Variants in CDC27 observed in about 807,000 individuals in gnomAD.
The protein encoded by CDC27 is cell division cycle protein 27 homolog.
A neutral mutation model predicts 109.7 loss-of-function variants in CDC27; 27 were observed. The ratio of observed to expected loss-of-function variants is 0.25; its 90% CI spans 0.18 to 0.34. The LOEUF is 0.34. Ranked by LOEUF, CDC27 falls within the 10% of genes least tolerant of loss-of-function variation. The pLI, the probability that CDC27 is intolerant of heterozygous loss-of-function variation, is 1.00. For missense variants in CDC27, 579 were observed against 960.2 expected, an observed-to-expected ratio of 0.60 and a Z score of 5.25; for synonymous variants, 266 against 333.9, an observed-to-expected ratio of 0.80 and a Z score of 2.22.
At chr17:47,129,574 G>A in intron 15 of CDC27, 53 bp from the exon 16 acceptor site, 1 of 1,352,782 alleles carries the variant, frequency 7.4e-7, no homozygotes, top group Non-Finnish European at 1.0e-6. Flanking sequence ...TATGAAGAAA[G>A]GTGAGAACCA....
intron 14 of CDC27, 149 bp downstream of exon 14, chr17:47,137,003 A>G (rs879212558): frequency 4.8e-6 from 2 of 417,172 alleles, no homozygotes; most frequent in African/African-American, 4.1e-5. Flanking sequence ...TCATAAGAAA[A>G]CATTTTAGTT....
At chr17:47,165,388 T>A (rs896492941) in intron 4 of CDC27, among the ~76,000 whole-genome samples, 1 of 152,244 alleles carries the variant, frequency 6.6e-6, no homozygotes, top group African/African-American at 2.4e-5. Flanking sequence ...AGCCATTGTA[T>A]CTAATGGTGG....
intron 8 of CDC27, among the ~76,000 whole-genome samples, chr17:47,154,329 T>C (rs1212619884): frequency 6.6e-6 from 1 of 152,142 alleles, no homozygotes; most frequent in Non-Finnish European, 1.5e-5. Context: ...ATTTCTGTTA[T>C]TTATAGTCAA....
At position 47,122,174 on chromosome 17, in the gene CDC27, A is replaced by G. The variant is rs556967567; in HGVS notation, c.2392+270T>C. ...ATTTTTATGAAGCAGATAAAACAGT[A>G]CTGGTTACATATTCAAACATAAATT... On this transcript the variant is annotated intron_variant, in intron 18 of 18. Coordinates refer to ENST00000066544, the MANE Select transcript of CDC27 (RefSeq NM_001256.6). Among the ~76,000 whole-genome samples, 4 of 152,100 alleles carry G rather than the reference A, an allele frequency of 2.6e-5. No homozygotes were observed. The South Asian group carries it at 6.2e-4, about 24-fold the overall frequency.
At chr17:47,171,298 A>G (rs1333306795) in intron 3 of CDC27, among the ~76,000 whole-genome samples, 2 of 152,252 alleles carry the variant, frequency 1.3e-5, no homozygotes, top group East Asian at 3.8e-4. Context: ...CTATGGTGAG[A>G]CTTACTTGTA....
chr17:47,130,505 G>C (rs1233310238), intron 15 of CDC27, among the ~76,000 whole-genome samples: 1 of 152,074 alleles, frequency 6.6e-6, no homozygotes, highest in Non-Finnish European at 1.5e-5. Flanking sequence ...GATTTAAAAA[G>C]TACCAAACCT....
At chr17:47,138,016 T>C (rs1203906923) in intron 13 of CDC27, among the ~76,000 whole-genome samples, 2 of 151,982 alleles carry the variant, frequency 1.3e-5, no homozygotes, top group East Asian at 1.9e-4. Context: ...CCGAGGCTGG[T>C]CTTGGAACTC....
At chr17:47,155,656 T>C (rs1467157594) in intron 7 of CDC27, among the ~76,000 whole-genome samples, 2 of 152,176 alleles carry the variant, frequency 1.3e-5, no homozygotes, top group African/African-American at 4.8e-5. Context: ...AAATATTTTA[T>C]ATTAATAGGT....
At chr17:47,181,339 A>AT (rs1192330473) in intron 2 of CDC27, 9 of 208,560 alleles carry the variant, frequency 4.3e-5, no homozygotes, top group Non-Finnish European at 6.6e-5. Context: ...TTGAAAAATG[A>AT]TTAAGTAAAT....
intron 1 of CDC27, among the ~76,000 whole-genome samples, chr17:47,184,964 A>T (rs2064376208): frequency 1.3e-5 from 2 of 152,170 alleles, no homozygotes; most frequent in Admixed American, 6.5e-5. Context: ...GCCAAAAAGA[A>T]CAACGCTCCT....
intron 4 of CDC27, chr17:47,159,968 C>G (rs572260147): frequency 3.4e-5 from 10 of 294,928 alleles, no homozygotes; most frequent in Non-Finnish European, 6.4e-5. Flanking sequence ...GCTGCGACCC[C>G]AGCCCTGGAT....
intron 8 of CDC27, among the ~76,000 whole-genome samples, chr17:47,154,459 C>T (rs2063238850): frequency 6.6e-6 from 1 of 151,884 alleles, no homozygotes; most frequent in Non-Finnish European, 1.5e-5. Flanking sequence ...TCTTACTTGG[C>T]CAAAAGAGTA....
chr17:47,167,168 AG>A (rs1222004967), intron 4 of CDC27, among the ~76,000 whole-genome samples: 1 of 152,220 alleles, frequency 6.6e-6, no homozygotes, highest in African/African-American at 2.4e-5. Context: ...TTAATTATTT[AG>A]AAGTATGTGG....
At chr17:47,127,703 A>AT (rs541207930) in intron 16 of CDC27, among the ~76,000 whole-genome samples, 1,750 of 143,638 alleles carry the variant, frequency 0.012, 52 homozygotes, top group Admixed American at 0.072. Context: ...GCCTGGCCCT[A>AT]TTTTTTTTTT....
intron 16 of CDC27, among the ~76,000 whole-genome samples, chr17:47,128,089 G>C (rs1429935716): frequency 6.6e-6 from 1 of 152,034 alleles, no homozygotes; most frequent in Non-Finnish European, 1.5e-5. Flanking sequence ...GGAATGCAGT[G>C]GCGTAATCTT....
chr17:47,162,384 T>C (rs139228002), intron 4 of CDC27, among the ~76,000 whole-genome samples: 234 of 152,278 alleles, frequency 1.5e-3, no homozygotes, highest in African/African-American at 5.2e-3. Flanking sequence ...CTAACCATAG[T>C]CTGCCTATTT....
chr17:47,137,767 T>C (rs182486825), intron 13 of CDC27, among the ~76,000 whole-genome samples: 226 of 151,600 alleles, frequency 1.5e-3, no homozygotes, highest in African/African-American at 5.1e-3. Flanking sequence ...TTAAGTAGGA[T>C]GGCTTCAGGC....
chr17:47,182,189 T>G (rs953040699), intron 1 of CDC27, among the ~76,000 whole-genome samples: 1 of 152,264 alleles, frequency 6.6e-6, no homozygotes, highest in Non-Finnish European at 1.5e-5. Flanking sequence ...CTATTACCTT[T>G]AATGCCACTC....
intron 8 of CDC27, among the ~76,000 whole-genome samples, chr17:47,153,194 A>T (rs147022277): frequency 1.2e-4 from 18 of 152,360 alleles, no homozygotes; most frequent in African/African-American, 3.8e-4. Context: ...CTGCATGCAG[A>T]CCTACATGCG....
Sources: allele counts gnomAD v4.1 joint callset (sites outside exome capture counted in the v4.1 genomes callset), GRCh38; gene constraint gnomAD v4.1.1; transcripts MANE v1.5; gene names NCBI Gene and HGNC (gene_info 2026-07-23, HGNC 2026-07-21).